LNX1: variants seen among roughly 807,000 people sequenced by gnomAD.
LNX1 encodes E3 ubiquitin-protein ligase LNX.
LNX1 carries 54 observed loss-of-function variants against 68.4 expected under a neutral mutation model. That is an observed-to-expected ratio of 0.79 (90% CI 0.63 to 0.99). The LOEUF is 0.99. Ranked by LOEUF, LNX1 falls within the 50% of genes least tolerant of loss-of-function variation. The pLI is 0.00. For missense variants in LNX1, 906 were observed against 926.4 expected (o/e 0.98, Z 0.29); for synonymous variants, 336 against 350.0 (o/e 0.96, Z 0.45).
At position 53,476,833 on chromosome 4, in the gene LNX1, T is replaced by G; in HGVS notation, c.1812A>C (p.Pro604=). The part of the protein sequence containing the change: ...EYEPQEDCSS[P]AALDSNHNMA... ...TGTTGTGGTTGGAGTCCAGGGCTGC[T>G]GGGCTGCTGCAGTCTTCCTGGGGCT... The change falls in exon 9 of 11, where the codon CCA becomes CCC. Residue 604 remains proline (P), a synonymous_variant. Transcript: ENST00000263925. 1 of 1,614,196 alleles carries G rather than the reference T, an allele frequency of 6.2e-7. No individual in the cohort carries two copies. Among genetic ancestry groups the G allele is most frequent in the Non-Finnish European group, 8.5e-7 (1 of 1,180,026 alleles).
chr4:53,499,821 G>A (rs542838867), intron 4 of LNX1, among the ~76,000 whole-genome samples: 1 of 152,298 alleles, frequency 6.6e-6, no homozygotes, highest in South Asian at 2.1e-4. Context: ...CCTAGTTGGT[G>A]GCCTTGAGCA....
intron 4 of LNX1, among the ~76,000 whole-genome samples, chr4:53,501,560 G>A (rs971382455): frequency 5.9e-5 from 9 of 152,212 alleles, no homozygotes; most frequent in South Asian, 4.1e-4. Context: ...TAGGATTACC[G>A]GTGTAAGCCA....
At position 53,603,333 on chromosome 4, in the gene LNX1, T is replaced by G. The variant is rs1258437091; in HGVS notation, c.-214-11818A>C. 2.6e-5 allele frequency among the ~76,000 whole-genome samples: 4 copies of G among 152,010 alleles called. No individual in the cohort carries two copies. In the East Asian group the frequency reaches 7.7e-4, roughly 29 times the overall value. On this transcript the variant is annotated intron_variant, in intron 2 of 3. Coordinates refer to the LNX1 transcript ENST00000504299. ...CATCTTCATTAAATAAACACACAAA[T>G]GGACAAAATCAATTTGGGAAGAGAA...
chr4:53,517,517 T>A (rs1290264740), intron 2 of LNX1, among the ~76,000 whole-genome samples: 1 of 152,182 alleles, frequency 6.6e-6, no homozygotes, highest in Non-Finnish European at 1.5e-5. Flanking sequence ...TTCATAGAAT[T>A]CCTCTAGTCC....
chr4:53,497,294 G>C (rs1317730265), intron 5 of LNX1, among the ~76,000 whole-genome samples: 1 of 152,218 alleles, frequency 6.6e-6, no homozygotes, highest in African/African-American at 2.4e-5. Flanking sequence ...GCTGCACTCT[G>C]TGTTTGAGGA....
intron 2 of LNX1, among the ~76,000 whole-genome samples, chr4:53,597,067 C>T (rs1283372155): frequency 6.6e-6 from 1 of 152,146 alleles, no homozygotes; most frequent in African/African-American, 2.4e-5. Context: ...AGCCCAGATC[C>T]TACTTCCTTG....
At position 53,577,389 on chromosome 4, in the gene LNX1, G is replaced by A. The variant is rs1263591741; in HGVS notation, c.-86-3301C>T. Among the ~76,000 whole-genome samples, 8 of 152,190 alleles carry A rather than the reference G, an allele frequency of 5.3e-5. No homozygotes were observed. The East Asian group carries it at 7.7e-4, about 15-fold the overall frequency. On this transcript the variant is annotated intron_variant, in intron 1 of 10. Transcript: ENST00000263925. ...GGAATATAAATTCAGGCTGCAGTGC[G>A]GCCATACCACTGAAAATACAACTGC...
At chr4:53,600,080 T>A (rs1264887656) in intron 2 of LNX1, among the ~76,000 whole-genome samples, 2 of 152,236 alleles carry the variant, frequency 1.3e-5, no homozygotes, top group African/African-American at 2.4e-5. Context: ...TTTTTAAGTG[T>A]TGTATTATTT....
At position 53,506,856 on chromosome 4, in the gene LNX1, T is replaced by TAAAAAAAAAAAA. The variant is rs59260730; in HGVS notation, c.775+449_775+460dup. ...CCTGGGCGACAAGCAAAACTCTGTC[T>TAAAAAAAAAAAA]AAAAAAAAAAAAAAAAAAAGAGGAA... On this transcript the variant is annotated intron_variant, in intron 4 of 10. Transcript: ENST00000263925. Among the ~76,000 whole-genome samples the TAAAAAAAAAAAA allele has an allele frequency of 8.5e-4, 46 of 54,190 alleles. 3 individuals carry two copies. The highest frequency in any genetic ancestry group is 2.3e-3 in the Admixed American group (8 of 3,490). 35.6% of individuals were successfully genotyped at this position (54,190 alleles called of 152,430 possible).
At chr4:53,602,693 C>A (rs1265202644) in intron 2 of LNX1, among the ~76,000 whole-genome samples, 2 of 152,114 alleles carry the variant, frequency 1.3e-5, no homozygotes, top group Non-Finnish European at 2.9e-5. Flanking sequence ...CAAGGGAAGG[C>A]AATCAGGATA....
intron 1 of LNX1, among the ~76,000 whole-genome samples, chr4:53,589,942 C>T (rs1187492450): frequency 6.6e-6 from 1 of 152,182 alleles, no homozygotes; most frequent in African/African-American, 2.4e-5. Flanking sequence ...AAATTAACTA[C>T]TGTGAAAAGC....
At chr4:53,614,732 C>T (rs1260815348) in intron 2 of LNX1, among the ~76,000 whole-genome samples, 1 of 152,194 alleles carries the variant, frequency 6.6e-6, no homozygotes, top group Non-Finnish European at 1.5e-5. Context: ...TTATGGCTCA[C>T]GAGTTCATCT....
Position 53,580,804 on chromosome 4 carries a change from G to C in LNX1, c.-86-6716C>G, listed in dbSNP as rs1731784577. On this transcript the variant is annotated intron_variant, in intron 1 of 10. Coordinates refer to ENST00000263925, the MANE Select transcript of LNX1 (RefSeq NM_001126328.3). ...ATCCTTAGAACCATTGCTATCTGAGGAATGTGGGGCTCTCTTATTTGTTTG... is the reference window on the plus strand; with the variant it reads ...ATCCTTAGAACCATTGCTATCTGAGCAATGTGGGGCTCTCTTATTTGTTTG... Among the ~76,000 whole-genome samples, 2 of 152,114 alleles carry C rather than the reference G, an allele frequency of 1.3e-5. 1 individual carries two copies. Among genetic ancestry groups the C allele is most frequent in the Admixed American group, 1.3e-4 (2 of 15,270 alleles).
At chr4:53,639,138 G>C (rs368562142) in intron 1 of LNX1, among the ~76,000 whole-genome samples, 13 of 152,168 alleles carry the variant, frequency 8.5e-5, no homozygotes, top group Non-Finnish European at 1.8e-4. Context: ...ACACCATGAA[G>C]TACTATGCAT....
chr4:53,573,029 C>G (rs1275864680), intron 2 of LNX1, among the ~76,000 whole-genome samples: 1 of 152,184 alleles, frequency 6.6e-6, no homozygotes, highest in Admixed American at 6.5e-5. Context: ...GCAAGCAGTG[C>G]CCAACAGGAA....
intron 2 of LNX1, among the ~76,000 whole-genome samples, chr4:53,570,521 G>A (rs111261370): frequency 8.9e-6 from 1 of 112,050 alleles, no homozygotes; most frequent in African/African-American, 3.3e-5. Flanking sequence ...TTGTGGGGTG[G>A]GGGGAGGGGG....
intron 9 of LNX1, among the ~76,000 whole-genome samples, chr4:53,472,801 A>C (rs1018401728): frequency 2.0e-5 from 3 of 151,660 alleles, no homozygotes; most frequent in Non-Finnish European, 4.4e-5. Context: ...AGCAGGGGGA[A>C]GGCTGATAAA....
At chr4:53,564,171 A>T (rs1465892821) in intron 2 of LNX1, among the ~76,000 whole-genome samples, 2 of 152,214 alleles carry the variant, frequency 1.3e-5, no homozygotes, top group African/African-American at 4.8e-5. Flanking sequence ...CTGAGTGTTC[A>T]TCAAGCCTCT....
intron 2 of LNX1, among the ~76,000 whole-genome samples, chr4:53,526,109 G>A (rs79897439): frequency 6.6e-6 from 1 of 151,874 alleles, no homozygotes; most frequent in Non-Finnish European, 1.5e-5. Context: ...TTCTAGAAAA[G>A]AAAAAATATT....
Sources: gnomAD v4.1 joint callset for allele counts (sites outside exome capture counted in the v4.1 genomes callset) on GRCh38, gnomAD v4.1.1 for gene constraint, MANE v1.5 for transcripts, NCBI Gene and HGNC (gene_info 2026-07-23, HGNC 2026-07-21) for gene names.